The following GNAL variants were observed in gnomAD, a reference collection of about 807,000 sequenced individuals.
GNAL encodes guanine nucleotide-binding protein G(olf) subunit alpha.
A neutral mutation model predicts 55.1 loss-of-function variants in GNAL; 18 were observed. The ratio of observed to expected loss-of-function variants is 0.33; its 90% CI spans 0.23 to 0.48. The LOEUF (loss-of-function observed/expected upper bound fraction) is 0.48. GNAL is among the 20% of genes least tolerant of loss of function. The pLI is 0.99. For missense variants in GNAL, 412 were observed against 614.1 expected (o/e 0.67, Z 3.48); for synonymous variants, 253 against 237.0 (o/e 1.07, Z -0.62).
At chr18:11,695,603 C>T (rs1046727108) in intron 1 of GNAL, among the ~76,000 whole-genome samples, 1 of 152,176 alleles carries the variant, frequency 6.6e-6, no homozygotes, top group African/African-American at 2.4e-5. Flanking sequence ...TGTTCACTAC[C>T]TTCCTGCTGG....
rs958373491 is a variant in GNAL, at chr18:11,866,123, C to T, written c.852-1045C>T. On this transcript the variant is annotated intron_variant, in intron 7 of 11. Transcript: ENST00000334049. The stretch of plus-strand genomic sequence containing the variant: ...GGCGCACAGTGCAGTATGGAGTTGG[C>T]GTGACTTGTGGTTTTGCCCACATCA... 1.9e-4 allele frequency among the ~76,000 whole-genome samples: 29 copies of T among 150,164 alleles called. 3 individuals carry two copies. The highest frequency in any genetic ancestry group is 6.1e-4 in the African/African-American group (24 of 39,522).
chr18:11,873,076 A>G (rs1435765298), intron 10 of GNAL, among the ~76,000 whole-genome samples: 1 of 152,232 alleles, frequency 6.6e-6, no homozygotes. Flanking sequence ...CTCCGTTTCC[A>G]GTCGCTTACA....
intron 4 of GNAL, among the ~76,000 whole-genome samples, chr18:11,767,325 C>A (rs1290814161): frequency 6.6e-6 from 1 of 151,720 alleles, no homozygotes; most frequent in Non-Finnish European, 1.5e-5. Context: ...CACTTGCATG[C>A]TTACTCTGTG....
rs532950181 is a variant in GNAL at position 11,699,812 on chromosome 18, C to G, written c.376+9873C>G. Among the ~76,000 whole-genome samples the G allele has an allele frequency of 2.0e-5, 3 of 152,236 alleles. No homozygotes were observed. In the South Asian group the frequency reaches 6.2e-4, roughly 32 times the overall value. On this transcript the variant is annotated intron_variant, in intron 1 of 11. Transcript: ENST00000334049. ...CTTGTCCAACCCACAGAATATACAACGCCAAGAGGGAACCCTAGTGTAGCC... is the reference window on the plus strand; with the variant it reads ...CTTGTCCAACCCACAGAATATACAAGGCCAAGAGGGAACCCTAGTGTAGCC...
intron 5 of GNAL, among the ~76,000 whole-genome samples, chr18:11,859,919 T>C (rs1248544217): frequency 6.6e-6 from 1 of 151,954 alleles, no homozygotes; most frequent in East Asian, 1.9e-4. Context: ...GGCTAATTTT[T>C]GTAGTTTTCG....
chr18:11,826,169 A>G (rs1397766491), intron 5 of GNAL, among the ~76,000 whole-genome samples: 1 of 151,920 alleles, frequency 6.6e-6, no homozygotes, highest in African/African-American at 2.4e-5. Flanking sequence ...ACCATCCCCC[A>G]TGGGATGGGC....
chr18:11,863,829 A>G (rs2036200915), intron 6 of GNAL, among the ~76,000 whole-genome samples: 1 of 152,218 alleles, frequency 6.6e-6, no homozygotes, highest in African/African-American at 2.4e-5. Flanking sequence ...AAGACTTGTG[A>G]GTGCAGAGTT....
At chr18:11,877,157 A>T (rs1461193554) in intron 11 of GNAL, among the ~76,000 whole-genome samples, 1 of 152,096 alleles carries the variant, frequency 6.6e-6, no homozygotes, top group African/African-American at 2.4e-5. Context: ...TGTACAAATA[A>T]CTCCCATATA....
intron 5 of GNAL, among the ~76,000 whole-genome samples, chr18:11,825,449 G>A (rs943376386): frequency 6.6e-6 from 1 of 152,138 alleles, no homozygotes; most frequent in Admixed American, 6.5e-5. Context: ...TATACCAGAA[G>A]GCTGGGCCCG....
intron 4 of GNAL, among the ~76,000 whole-genome samples, chr18:11,762,157 C>G (rs1007610136): frequency 6.6e-6 from 1 of 152,182 alleles, no homozygotes; most frequent in Non-Finnish European, 1.5e-5. Context: ...ATTTCATTTG[C>G]CAGCTGTCCA....
chr18:11,702,219 A>G (rs1377199159), intron 1 of GNAL: 3 of 152,274 alleles, frequency 2.0e-5, no homozygotes, highest in Non-Finnish European at 4.4e-5. Flanking sequence ...AGCCCCTGGA[A>G]TTAGGCCAGA....
chr18:11,855,451 T>G (rs2035984172), intron 5 of GNAL, among the ~76,000 whole-genome samples: 1 of 152,218 alleles, frequency 6.6e-6, no homozygotes, highest in Non-Finnish European at 1.5e-5. Context: ...TAACATGGAT[T>G]TAGGATTGAA....
chr18:11,696,334 C>T (rs2031410963), intron 1 of GNAL, among the ~76,000 whole-genome samples: 1 of 135,054 alleles, frequency 7.4e-6, no homozygotes, highest in African/African-American at 3.5e-5. Flanking sequence ...AACCCCGTCT[C>T]TACTAAAAAT....
chr18:11,703,584 A>G (rs2031629509), intron 1 of GNAL, among the ~76,000 whole-genome samples: 1 of 152,184 alleles, frequency 6.6e-6, no homozygotes, highest in South Asian at 2.1e-4. Flanking sequence ...AACATCAGCT[A>G]TTTGATAAGC....
intron 1 of GNAL, among the ~76,000 whole-genome samples, chr18:11,734,743 G>C (rs1331393521): frequency 6.6e-6 from 1 of 151,388 alleles, no homozygotes; most frequent in Non-Finnish European, 1.5e-5. Context: ...CACTCAGTAA[G>C]CATCAATGAT....
chr18:11,742,165 G>T (rs774750852), intron 1 of GNAL, among the ~76,000 whole-genome samples: 1 of 152,182 alleles, frequency 6.6e-6, no homozygotes, highest in Non-Finnish European at 1.5e-5. Context: ...TTCCCAGCCA[G>T]CAGCTTACAC....
intron 4 of GNAL, among the ~76,000 whole-genome samples, chr18:11,815,345 A>G (rs2034927445): frequency 9.0e-6 from 1 of 110,984 alleles, no homozygotes; most frequent in South Asian, 3.0e-4. Context: ...TATGAAGAAA[A>G]GAGGTTTAAT....
Position 11,884,264 on chromosome 18 carries a change from TA to T in GNAL, c.*3130del. ...TTGTTGTAGAGTACCTGTCCACTTT[TA>T]TAGCATGAGAACAGTACAATCAACT... is the stretch of plus-strand genomic sequence containing the variant. On this transcript the variant is annotated 3_prime_UTR_variant, in exon 12 of 12. Coordinates refer to ENST00000334049, the MANE Select transcript of GNAL (RefSeq NM_182978.4). The T allele has an allele frequency of 1.6e-6, 1 of 607,418 alleles. No individual in the cohort carries two copies. Among genetic ancestry groups the T allele is most frequent in the South Asian group, 2.1e-5 (1 of 47,370 alleles). The allele number at this position is 607,418 out of a possible 1,614,324, so 37.6% of individuals were successfully genotyped here. A position where few individuals can be genotyped will look rare whatever the true frequency, so the allele number is the denominator to read the frequency against.
chr18:11,710,197 T>C (rs1462728911), intron 1 of GNAL, among the ~76,000 whole-genome samples: 1 of 152,180 alleles, frequency 6.6e-6, no homozygotes, highest in Non-Finnish European at 1.5e-5. Flanking sequence ...AATACTTTAT[T>C]AAGGATTTTT....
Sources: allele counts gnomAD v4.1 joint callset (sites outside exome capture counted in the v4.1 genomes callset), GRCh38; gene constraint gnomAD v4.1.1; transcripts MANE v1.5; gene names NCBI Gene and HGNC (gene_info 2026-07-23, HGNC 2026-07-21).